ESR1: variants seen among roughly 807,000 people sequenced by gnomAD.
ESR1 encodes the protein estrogen receptor.
In ESR1, 12 loss-of-function variants were observed where a neutral mutation model predicts 52.7. The observed-to-expected ratio is 0.23, with a 90% CI of 0.15 to 0.37. The LOEUF is 0.37. ESR1 is among the 10% of genes least tolerant of loss of function. The pLI is 1.00. For missense variants in ESR1, 584 were observed against 779.7 expected, an observed-to-expected ratio of 0.75 and a Z score of 2.99; for synonymous variants, 305 against 316.8, an observed-to-expected ratio of 0.96 and a Z score of 0.39.
At chr6:151,859,966 CT>C (rs1322842963) in intron 2 of ESR1, among the ~76,000 whole-genome samples, 1 of 152,108 alleles carries the variant, frequency 6.6e-6, no homozygotes, top group East Asian at 1.9e-4. Context: ...CCTACAGGTG[CT>C]CTGTAAAGAA....
rs961132897 is a variant in ESR1, at chr6:152,101,250, T to G, written c.*2284T>G. 1 of 232,168 alleles carries G rather than the reference T, an allele frequency of 4.3e-6. No homozygotes were observed. The highest frequency in any genetic ancestry group is 8.5e-6 in the Non-Finnish European group (1 of 117,328). 14.4% of individuals were successfully genotyped at this position (232,168 alleles called of 1,614,324 possible). On this transcript the variant is annotated 3_prime_UTR_variant, in exon 8 of 8. Transcript: ENST00000206249. ...CAAAGATTATGCCTGAAAAGGAAAA[T>G]TATTCAGGGCAGCTAATTTTGCTTT...
chr6:152,060,758 C>T (rs946007793), intron 5 of ESR1, among the ~76,000 whole-genome samples: 1 of 152,176 alleles, frequency 6.6e-6, no homozygotes, highest in African/African-American at 2.4e-5. Context: ...AACTACCTAC[C>T]TCTTCTAAGA....
rs1293129795 is a variant in ESR1, at chr6:151,838,651, GT to G, written c.453-3937del. 3.3e-5 allele frequency among the ~76,000 whole-genome samples: 5 copies of G among 151,418 alleles called. No individual in the cohort carries two copies. The East Asian group carries it at 7.7e-4, about 23-fold the overall frequency. ...TCTTGCCTTTTAGTTTATATTCTTT[GT>G]TTTTTTTTAAATAACATTTTGACAG... is the stretch of plus-strand genomic sequence containing the variant. On this transcript the variant is annotated intron_variant, in intron 1 of 7. Coordinates refer to ENST00000206249, the MANE Select transcript of ESR1 (RefSeq NM_000125.4).
intron 4 of ESR1, among the ~76,000 whole-genome samples, chr6:152,010,261 C>G (rs1013194067): frequency 6.6e-6 from 1 of 151,906 alleles, no homozygotes; most frequent in Admixed American, 6.6e-5. Flanking sequence ...TCCAAGAACC[C>G]CAAGAAGAAA....
At chr6:151,827,980 A>G (rs1401134771) in intron 1 of ESR1, among the ~76,000 whole-genome samples, 1 of 152,220 alleles carries the variant, frequency 6.6e-6, no homozygotes, top group Non-Finnish European at 1.5e-5. Flanking sequence ...TTTTCAAATG[A>G]GGAAAATGAC....
At chr6:151,971,902 A>G (rs530585819) in intron 4 of ESR1, among the ~76,000 whole-genome samples, 1 of 152,338 alleles carries the variant, frequency 6.6e-6, no homozygotes, top group Admixed American at 6.5e-5. Flanking sequence ...TAAAATGGAT[A>G]TAACACTAGT....
chr6:151,807,596 A>G, upstream of ESR1: 1 of 501,432 alleles, frequency 2.0e-6, no homozygotes, highest in South Asian at 2.1e-5. Context: ...GGGCAAGGCA[A>G]CAGTCCCTGG....
chr6:152,093,371 A>AC (rs1258491321), intron 6 of ESR1, among the ~76,000 whole-genome samples: 10 of 113,254 alleles, frequency 8.8e-5, no homozygotes, highest in South Asian at 3.1e-4. Context: ...TCTCTCTCTC[A>AC]CCCCCCCACA....
intron 5 of ESR1, among the ~76,000 whole-genome samples, chr6:152,044,694 G>A (rs1045872820): frequency 1.3e-5 from 2 of 152,206 alleles, no homozygotes; most frequent in South Asian, 2.1e-4. Context: ...CAGCACAGGA[G>A]AAAGATGGAA....
At chr6:152,128,583 C>G (rs1057167480) in exon 7 of ESR1, 1 of 152,190 alleles carries the variant, frequency 6.6e-6, no homozygotes, top group African/African-American at 2.4e-5. Flanking sequence ...ACAAAGAAAC[C>G]AAATGAGTAA....
At chr6:152,048,768 C>G (rs905363339) in intron 5 of ESR1, among the ~76,000 whole-genome samples, 2 of 152,128 alleles carry the variant, frequency 1.3e-5, no homozygotes, top group Non-Finnish European at 2.9e-5. Context: ...AACTGAGTTA[C>G]GGAGAAGATG....
At chr6:151,942,157 A>G (rs2035145774) in intron 3 of ESR1, among the ~76,000 whole-genome samples, 1 of 152,230 alleles carries the variant, frequency 6.6e-6, no homozygotes, top group African/African-American at 2.4e-5. Flanking sequence ...AAAAGTTGAA[A>G]TGCCTGATCC....
intron 2 of ESR1, among the ~76,000 whole-genome samples, chr6:151,790,523 G>T (rs975396486): frequency 6.6e-6 from 1 of 151,710 alleles, no homozygotes; most frequent in Non-Finnish European, 1.5e-5. Flanking sequence ...CCCAATTCTT[G>T]ATCCTTTCGT....
At chr6:152,031,926 A>T (rs949691359) in intron 5 of ESR1, among the ~76,000 whole-genome samples, 2 of 152,234 alleles carry the variant, frequency 1.3e-5, no homozygotes, top group African/African-American at 4.8e-5. Flanking sequence ...GCAGCACATC[A>T]AAAAGCTTAT....
At chr6:151,861,792 A>G (rs1164434474) in intron 2 of ESR1, among the ~76,000 whole-genome samples, 9 of 151,884 alleles carry the variant, frequency 5.9e-5, no homozygotes, top group African/African-American at 1.9e-4. Flanking sequence ...TGCTTTTTCC[A>G]GCATTAGAAT....
intron 2 of ESR1, among the ~76,000 whole-genome samples, chr6:151,767,856 A>G (rs542800658): frequency 1.3e-5 from 2 of 152,332 alleles, no homozygotes; most frequent in South Asian, 4.1e-4. Context: ...AACCTGCAGA[A>G]TAATAGGAGA....
chr6:151,901,964 A>AT (rs1369937833), intron 3 of ESR1, among the ~76,000 whole-genome samples: 1 of 152,118 alleles, frequency 6.6e-6, no homozygotes, highest in Non-Finnish European at 1.5e-5. Context: ...CCTTTCCACC[A>AT]TTTTTTGGCC....
chr6:151,929,865 C>T (rs1367069341), intron 3 of ESR1, among the ~76,000 whole-genome samples: 1 of 151,954 alleles, frequency 6.6e-6, no homozygotes, highest in African/African-American at 2.4e-5. Flanking sequence ...TAAAAATAAA[C>T]CTGTGTTTAT....
Position 151,807,949 on chromosome 6 carries a change from G to A in ESR1, c.37G>A (p.Ala13Thr), listed in dbSNP as rs761420991. 4.3e-6 allele frequency: 7 copies of A among 1,613,842 alleles called. No individual in the cohort carries two copies. In the South Asian group the frequency reaches 6.6e-5, roughly 15 times the overall value. ...CCTCCACACCAAAGCATCTGGGATG[G>A]CCCTACTGCATCAGATCCAAGGGAA... is the stretch of plus-strand genomic sequence containing the variant. ...MTLHTKASGMALLHQIQGNEL... is the reference protein window; with the variant it reads ...MTLHTKASGMTLLHQIQGNEL... Residue 13 changes from alanine to threonine, a missense_variant, in exon 1 of 8, where the codon GCC (alanine) becomes ACC (threonine). By Grantham distance (58) the Ala-to-Thr change is moderately conservative. Around this residue, in one of 6 missense-constraint regions of ESR1, gnomAD observed 251 missense variants for 246.1 expected, o/e 1.02. Transcript: ENST00000206249.
Sources: gnomAD v4.1 joint callset for allele counts (sites outside exome capture counted in the v4.1 genomes callset) on GRCh38, gnomAD v4.1.1 for gene constraint, gnomAD v4.1.1 regional missense constraint, MANE v1.5 for transcripts, NCBI Gene and HGNC (gene_info 2026-07-23, HGNC 2026-07-21) for gene names.